Variants in PARP4 observed in about 807,000 individuals in gnomAD.
PARP4 encodes poly(ADP-ribose) polymerase family member 4, also known as protein mono-ADP-ribosyltransferase PARP4.
Under a neutral mutation model 187.7 loss-of-function variants are expected in PARP4, and 120 were observed. The observed-to-expected ratio is 0.64, with a 90% confidence interval of 0.55 to 0.74. The LOEUF is 0.74. Ranked by LOEUF, PARP4 falls within the 30% of genes least tolerant of loss-of-function variation. The probability of loss-of-function intolerance (pLI) is 0.00; values close to 1 mark genes in which losing one functional copy is unlikely to be tolerated. For missense variants in PARP4, 1,836 were observed against 2,070.5 expected (o/e 0.89, Z 2.20); for synonymous variants, 654 against 740.9 (o/e 0.88, Z 1.90).
At chr13:24,446,591 T>A in intron 27 of PARP4, 90 bp downstream of exon 27, 1 of 864,798 alleles carries the variant, frequency 1.2e-6, no homozygotes, top group Non-Finnish European at 1.9e-6. Flanking sequence ...GGGCCGTGGG[T>A]TGGACAAGCT....
intron 33 of PARP4, among the ~76,000 whole-genome samples, chr13:24,422,930 C>G (rs1869824145): frequency 6.6e-6 from 1 of 152,166 alleles, no homozygotes; most frequent in African/African-American, 2.4e-5. Context: ...CTTATGTACT[C>G]AAGTGCCAAC....
chr13:24,465,359 T>A lies in PARP4; in HGVS notation c.2133+3665A>T, dbSNP rs549700629. Among the ~76,000 whole-genome samples, 4 of 152,274 alleles carry A rather than the reference T, an allele frequency of 2.6e-5. No homozygotes were observed. In the South Asian group the frequency reaches 8.3e-4, roughly 32 times the overall value. On this transcript the variant is annotated intron_variant, in intron 17 of 33. Transcript: ENST00000381989. ...CATGTGTATGTTCGTTGCAGCACTA[T>A]TCACAATAGCAAAGACATGGAATCA... is the stretch of plus-strand genomic sequence containing the variant.
chr13:24,449,690 T>C, intron 25 of PARP4, 28 bp downstream of exon 25: 1 of 1,163,122 alleles, frequency 8.6e-7, no homozygotes, highest in Non-Finnish European at 1.3e-6. Flanking sequence ...CAAACATAAA[T>C]ATAAAACCAG....
chr13:24,457,430 G>C (rs7317612), intron 20 of PARP4, among the ~76,000 whole-genome samples: 2,328 of 152,256 alleles, frequency 0.015, 63 homozygotes, highest in African/African-American at 0.053. Flanking sequence ...ACAAGCAGGG[G>C]CGTGAAAAGT....
intron 32 of PARP4, 91 bp from the exon 33 acceptor site, chr13:24,426,689 C>T (rs1258365552): frequency 1.7e-5 from 19 of 1,102,900 alleles, no homozygotes; most frequent in African/African-American, 3.2e-5. Context: ...AATTACAATA[C>T]GCCATCTGGC....
chr13:24,486,504 G>A (rs1181815373), intron 10 of PARP4, among the ~76,000 whole-genome samples, 199 bp from the exon 11 acceptor site: 2 of 152,136 alleles, frequency 1.3e-5, no homozygotes, highest in Non-Finnish European at 2.9e-5. Flanking sequence ...AGGATATGTA[G>A]TAAAGTATAC....
chr13:24,441,694 C>G, intron 30 of PARP4, 152 bp downstream of exon 30: 1 of 686,830 alleles, frequency 1.5e-6, no homozygotes, highest in South Asian at 2.1e-5. Flanking sequence ...TGATGTAATT[C>G]AACATTTTAT....
intron 1 of PARP4, among the ~76,000 whole-genome samples, chr13:24,505,188 A>G (rs1185307288): frequency 6.6e-6 from 1 of 152,166 alleles, no homozygotes; most frequent in Non-Finnish European, 1.5e-5. Context: ...AGACAGAGCT[A>G]GAGAGCGCGA....
At position 24,456,589 on chromosome 13, in the gene PARP4, A is replaced by T. The variant is rs533498756; in HGVS notation, c.2425-111T>A. On this transcript the variant is annotated intron_variant, in intron 20 of 33. Coordinates refer to ENST00000381989, the MANE Select transcript of PARP4 (RefSeq NM_006437.4). ...CTTGCATAGCTTACATAACTCTATT[A>T]AGAATCAACAAAGTAGTGGTAAATT... is the stretch of plus-strand genomic sequence containing the variant. 1,665 of 944,902 alleles carry T rather than the reference A, an allele frequency of 1.8e-3. 4 individuals carry two copies. The highest frequency in any genetic ancestry group is 2.3e-3 in the Non-Finnish European group (1,540 of 681,420). 58.5% of individuals were successfully genotyped at this position (944,902 alleles called of 1,614,324 possible).
At chr13:24,433,094 G>A (rs1870431657) in intron 31 of PARP4, among the ~76,000 whole-genome samples, 1 of 152,180 alleles carries the variant, frequency 6.6e-6, no homozygotes. Context: ...GGCAGGGCTT[G>A]CGTAACGTCC....
rs142631944 is a variant in PARP4 at position 24,452,512 on chromosome 13, G to A, written c.2908C>T (p.Arg970Trp). ...LSLLYPARGSRNILLVSDGHL... is the reference protein window; with the variant it reads ...LSLLYPARGSWNILLVSDGHL... ...CCATCAGACACCAGGAGGATGTTCCGTGACCCTCGAGCAGGGTACAATAAG... is the reference window on the plus strand; with the variant it reads ...CCATCAGACACCAGGAGGATGTTCCATGACCCTCGAGCAGGGTACAATAAG... Residue 970 changes from arginine to tryptophan, a missense_variant, in exon 24 of 34, where the codon CGG (arginine) becomes TGG (tryptophan). Coordinates refer to ENST00000381989, the MANE Select transcript of PARP4 (RefSeq NM_006437.4). 110 of 1,614,000 alleles carry A rather than the reference G, an allele frequency of 6.8e-5. No individual in the cohort carries two copies. In the South Asian group the frequency reaches 8.5e-4, roughly 12 times the overall value.
chr13:24,510,704 A>G (rs1437994759), intron 1 of PARP4, among the ~76,000 whole-genome samples: 1 of 152,236 alleles, frequency 6.6e-6, no homozygotes, highest in African/African-American at 2.4e-5. Context: ...AACATTTTTT[A>G]GCCTTTTAAA....
At chr13:24,506,539 C>A (rs1202291614) in intron 1 of PARP4, among the ~76,000 whole-genome samples, 1 of 152,096 alleles carries the variant, frequency 6.6e-6, no homozygotes, top group Non-Finnish European at 1.5e-5. Context: ...GTTTACAATC[C>A]CTGAGCTAGA....
intron 13 of PARP4, 31 bp downstream of exon 13, chr13:24,478,062 C>T: frequency 1.3e-6 from 2 of 1,534,394 alleles, no homozygotes; most frequent in Non-Finnish European, 1.8e-6. Context: ...CATTCAAGAC[C>T]CTCTTTGCTT....
chr13:24,502,212 A>G (rs1311690495), intron 2 of PARP4, among the ~76,000 whole-genome samples: 1 of 150,096 alleles, frequency 6.7e-6, no homozygotes, highest in East Asian at 1.9e-4. Flanking sequence ...ATTTTAGAAA[A>G]TCTTGTTTTT....
chr13:24,459,353 A>C, intron 18 of PARP4, 43 bp from the exon 19 acceptor site: 1 of 1,471,448 alleles, frequency 6.8e-7, no homozygotes, highest in Non-Finnish European at 9.2e-7. Flanking sequence ...GCATATATTA[A>C]GTTTCACAAT....
intron 5 of PARP4, 116 bp downstream of exon 5, chr13:24,499,185 G>A (rs1869130085): frequency 2.8e-6 from 3 of 1,072,224 alleles, no homozygotes; most frequent in South Asian, 2.2e-5. Context: ...ATGATATTCA[G>A]GATATGCATA....
intron 1 of PARP4, 137 bp from the exon 2 acceptor site, chr13:24,503,914 T>C (rs751744013): frequency 1.3e-5 from 9 of 699,272 alleles, no homozygotes; most frequent in South Asian, 3.6e-5. Context: ...CAATAGAACA[T>C]TGCAAAAATT....
At chr13:24,505,966 G>A (rs894490498) in intron 1 of PARP4, among the ~76,000 whole-genome samples, 1 of 152,196 alleles carries the variant, frequency 6.6e-6, no homozygotes. Context: ...CCGCGATTGG[G>A]CTCCGCCATT....
Sources: gnomAD v4.1 joint callset for allele counts (sites outside exome capture counted in the v4.1 genomes callset) on GRCh38, gnomAD v4.1.1 for gene constraint, MANE v1.5 for transcripts, NCBI Gene and HGNC (gene_info 2026-07-23, HGNC 2026-07-21) for gene names.